The following EPHA6 variants were observed in gnomAD, a reference collection of about 807,000 sequenced individuals.
EPHA6 encodes the protein ephrin type-A receptor 6.
EPHA6 carries 50 observed loss-of-function variants against 112.0 expected under a neutral mutation model. The observed-to-expected ratio is 0.45, with a 90% CI of 0.36 to 0.56. EPHA6 has a LOEUF of 0.56. Among genes scored for constraint, EPHA6 ranks in the 20% least tolerant of loss-of-function variants. EPHA6 has a pLI of 0.00. For missense variants in EPHA6, 1,280 were observed against 1,417.4 expected (o/e 0.90, Z 1.56); for synonymous variants, 529 against 490.7 (o/e 1.08, Z -1.03).
chr3:97,608,016 T>C (rs2093692216), intron 12 of EPHA6, among the ~76,000 whole-genome samples: 2 of 150,972 alleles, frequency 1.3e-5, no homozygotes, highest in South Asian at 4.1e-4. Flanking sequence ...AAGTTGCTTA[T>C]AATCTTCACA....
chr3:97,116,430 C>CTT (rs1170479198), intron 3 of EPHA6, among the ~76,000 whole-genome samples: 12 of 151,620 alleles, frequency 7.9e-5, no homozygotes, highest in Admixed American at 3.3e-4. Context: ...CTATAGTCAT[C>CTT]ATACTTTACA....
intron 5 of EPHA6, among the ~76,000 whole-genome samples, chr3:97,346,801 T>C (rs1439472243): frequency 3.3e-5 from 5 of 151,896 alleles, no homozygotes; most frequent in Non-Finnish European, 7.4e-5. Context: ...CATGGAGAAA[T>C]TGAGATACAA....
chr3:97,440,715 A>G (rs888160277), intron 6 of EPHA6, among the ~76,000 whole-genome samples: 1 of 151,716 alleles, frequency 6.6e-6, no homozygotes, highest in African/African-American at 2.4e-5. Flanking sequence ...CAGAAAAATA[A>G]ATTAGAAGGA....
intron 2 of EPHA6, among the ~76,000 whole-genome samples, chr3:96,963,339 G>A (rs917947955): frequency 1.3e-5 from 2 of 152,052 alleles, no homozygotes; most frequent in African/African-American, 2.4e-5. Flanking sequence ...AACAAATTAG[G>A]CTAACTTGGA....
At chr3:97,320,125 G>C (rs2082039491) in intron 5 of EPHA6, among the ~76,000 whole-genome samples, 1 of 151,964 alleles carries the variant, frequency 6.6e-6, no homozygotes, top group Non-Finnish European at 1.5e-5. Context: ...ACCACACACT[G>C]TCAGTATCTA....
chr3:96,851,187 C>T (rs1231493664), intron 1 of EPHA6, among the ~76,000 whole-genome samples: 2 of 152,026 alleles, frequency 1.3e-5, no homozygotes, highest in Admixed American at 6.6e-5. Context: ...AAGTAAGTTT[C>T]CTAATCTTTC....
intron 5 of EPHA6, among the ~76,000 whole-genome samples, chr3:97,317,134 G>GA (rs371487009): frequency 2.5e-4 from 35 of 140,766 alleles, no homozygotes; most frequent in Admixed American, 5.7e-4. Flanking sequence ...GATTGGAAGA[G>GA]AAAAAAAAAA....
At chr3:97,305,539 A>G (rs1193063440) in intron 5 of EPHA6, among the ~76,000 whole-genome samples, 2 of 152,058 alleles carry the variant, frequency 1.3e-5, no homozygotes, top group Non-Finnish European at 2.9e-5. Context: ...ATGCAGCCAT[A>G]AAAAGGAATG....
intron 5 of EPHA6, among the ~76,000 whole-genome samples, chr3:97,299,211 G>GTT (rs1491295783): frequency 6.8e-6 from 1 of 148,128 alleles, no homozygotes; most frequent in Non-Finnish European, 1.5e-5. Context: ...GTGTGTGTGT[G>GTT]TAGGGGGGAG....
At chr3:97,350,688 T>C (rs901529924) in intron 5 of EPHA6, among the ~76,000 whole-genome samples, 1 of 152,114 alleles carries the variant, frequency 6.6e-6, no homozygotes, top group Non-Finnish European at 1.5e-5. Flanking sequence ...ACTTCTATGA[T>C]ATAGTACTTA....
intron 3 of EPHA6, among the ~76,000 whole-genome samples, chr3:97,173,637 T>C (rs1272354451): frequency 1.3e-5 from 2 of 151,862 alleles, no homozygotes; most frequent in East Asian, 3.9e-4. Flanking sequence ...TCTGCTTCTC[T>C]TTTAGGTAAG....
rs374490344 is a variant in EPHA6 at position 97,374,834 on chromosome 3, CT to C, written c.1607-30310del. The stretch of plus-strand genomic sequence containing the variant: ...CAGAAAACCAGATACCACATTACTA[CT>C]TTTTTACCAAATTTTTCACTACCAG... On this transcript the variant is annotated intron_variant, in intron 5 of 17. Coordinates refer to ENST00000389672, the MANE Select transcript of EPHA6 (RefSeq NM_001080448.3). 2.5e-3 allele frequency among the ~76,000 whole-genome samples: 374 copies of C among 152,206 alleles called. 1 individual carries two copies. The highest frequency in any genetic ancestry group is 8.5e-3 in the African/African-American group (355 of 41,552).
intron 14 of EPHA6, among the ~76,000 whole-genome samples, chr3:97,699,769 T>A (rs1024783303): frequency 3.3e-5 from 5 of 152,206 alleles, no homozygotes; most frequent in African/African-American, 1.2e-4. Context: ...GAAAATTAAC[T>A]CCTTTTTAAC....
intron 7 of EPHA6, among the ~76,000 whole-genome samples, chr3:97,469,349 A>G (rs1398491640): frequency 6.6e-6 from 1 of 151,712 alleles, no homozygotes; most frequent in African/African-American, 2.4e-5. Flanking sequence ...TGCCTACTAC[A>G]CTATTTTATG....
intron 7 of EPHA6, among the ~76,000 whole-genome samples, chr3:97,463,115 T>C (rs1037393913): frequency 1.4e-4 from 22 of 152,296 alleles, no homozygotes; most frequent in African/African-American, 5.1e-4. Flanking sequence ...AAAATTATTA[T>C]TATACTTTAA....
intron 10 of EPHA6, among the ~76,000 whole-genome samples, chr3:97,502,661 C>T (rs896156745): frequency 6.6e-6 from 1 of 150,726 alleles, no homozygotes; most frequent in African/African-American, 2.4e-5. Flanking sequence ...GGTGAAACCC[C>T]GTCTCTACTA....
intron 9 of EPHA6, 38 bp from the exon 10 acceptor site, chr3:97,483,896 C>T (rs1268397398): frequency 6.4e-7 from 1 of 1,569,972 alleles, no homozygotes; most frequent in Admixed American, 1.9e-5. Flanking sequence ...CACTGAGATA[C>T]TCAAACTAAA....
At chr3:97,127,714 C>CA (rs1343245083) in intron 3 of EPHA6, among the ~76,000 whole-genome samples, 5,033 of 93,762 alleles carry the variant, frequency 0.054, 259 homozygotes, top group African/African-American at 0.17. Context: ...GACCCTGTCT[C>CA]AAAAAAAAAA....
chr3:96,944,912 C>T (rs754306053), intron 2 of EPHA6, among the ~76,000 whole-genome samples: 9 of 152,136 alleles, frequency 5.9e-5, no homozygotes, highest in Admixed American at 2.0e-4. Context: ...TGCACTCCAG[C>T]CTAGGCGACA....
Sources: gnomAD v4.1 joint callset for allele counts (sites outside exome capture counted in the v4.1 genomes callset) on GRCh38, gnomAD v4.1.1 for gene constraint, MANE v1.5 for transcripts, NCBI Gene and HGNC (gene_info 2026-07-23, HGNC 2026-07-21) for gene names.